The following RBM26 variants were observed in gnomAD, a reference collection of about 807,000 sequenced individuals.
The protein encoded by RBM26 is RNA binding motif protein 26.
RBM26 carries 30 observed loss-of-function variants against 123.6 expected under a neutral mutation model. That is an observed-to-expected ratio of 0.24 (90% CI 0.18 to 0.33). The LOEUF is 0.33. RBM26 is among the 10% of genes least tolerant of loss of function. The probability of loss-of-function intolerance (pLI) is 1.00; values close to 1 mark genes in which losing one functional copy is unlikely to be tolerated. For missense variants in RBM26, 947 were observed against 1,203.6 expected (o/e 0.79, Z 3.15); for synonymous variants, 400 against 404.4 (o/e 0.99, Z 0.13).
At chr13:79,377,700 G>A (rs890508378) in intron 2 of RBM26, among the ~76,000 whole-genome samples, 185 bp from the exon 3 acceptor site, 6 of 152,132 alleles carry the variant, frequency 3.9e-5, no homozygotes, top group African/African-American at 1.4e-4. Context: ...GCCAAGGCAG[G>A]TGGATCACCT....
At chr13:79,344,519 A>T in intron 15 of RBM26, 150 bp downstream of exon 15, 1 of 829,698 alleles carries the variant, frequency 1.2e-6, no homozygotes, top group Non-Finnish European at 1.9e-6. Flanking sequence ...AAAAATTTTT[A>T]TTTACCGCTA....
intron 1 of RBM26, among the ~76,000 whole-genome samples, chr13:79,380,187 G>A (rs2076973473): frequency 6.6e-6 from 1 of 152,110 alleles, no homozygotes; most frequent in Non-Finnish European, 1.5e-5. Context: ...TCAAAAATGT[G>A]CACATGTCCA....
At chr13:79,375,112 A>AATATATATTTATATATATATCAT (rs2076561607) in intron 3 of RBM26, among the ~76,000 whole-genome samples, 1 of 127,732 alleles carries the variant, frequency 7.8e-6, no homozygotes, top group African/African-American at 2.8e-5. Context: ...ATATCATATA[A>AATATATATTTATATATATATCAT]ATATATATTT....
chr13:79,377,349 A>G, intron 3 of RBM26, 30 bp downstream of exon 3: 1 of 1,594,292 alleles, frequency 6.3e-7, no homozygotes, highest in Non-Finnish European at 8.6e-7. Context: ...GTGTTTAAAT[A>G]ACCTGTAAGG....
chr13:79,323,430 T>C (rs978727581), intron 20 of RBM26, among the ~76,000 whole-genome samples: 13 of 151,646 alleles, frequency 8.6e-5, no homozygotes, highest in African/African-American at 3.1e-4. Flanking sequence ...CCTGTTCAAA[T>C]GCTGCTCAGA....
chr13:79,346,687 G>C (rs1431326916), intron 14 of RBM26, among the ~76,000 whole-genome samples: 1 of 152,152 alleles, frequency 6.6e-6, no homozygotes, highest in South Asian at 2.1e-4. Context: ...ATTAAACAAA[G>C]ATTTTGTTTG....
Position 79,355,256 on chromosome 13 carries a change from T to C in RBM26, c.1818A>G (p.Glu606=), listed in dbSNP as rs1385899985. ...NRFIKVYWHR[E]GSTQQLQTTS... Reference sequence around the variant, plus strand: ...TAGTTTGTAACTGTTGGGTGCTTCCTTCTCTGTGCCAATAAACCTTAATAA... The same window carrying C: ...TAGTTTGTAACTGTTGGGTGCTTCCCTCTCTGTGCCAATAAACCTTAATAA... Residue 606 remains glutamate (E), a synonymous_variant, in exon 12 of 22, where the codon GAA becomes GAG. Coordinates refer to ENST00000438737, the MANE Select transcript of RBM26 (RefSeq NM_001366735.2). 6.2e-7 allele frequency: 1 copy of C among 1,614,036 alleles called. No homozygotes were observed.
intron 20 of RBM26, among the ~76,000 whole-genome samples, chr13:79,331,557 C>T (rs1305058716): frequency 6.6e-6 from 1 of 151,480 alleles, no homozygotes; most frequent in East Asian, 2.0e-4. Context: ...TGGCATGAAG[C>T]CAAGAGAGGC....
chr13:79,342,882 T>G (rs757719110), intron 16 of RBM26, 51 bp from the exon 17 acceptor site: 1 of 1,174,934 alleles, frequency 8.5e-7, no homozygotes, highest in Non-Finnish European at 1.2e-6. Flanking sequence ...CCTATTATCA[T>G]TAACAAAACA....
At chr13:79,390,619 G>A (rs1279816058) in intron 1 of RBM26, among the ~76,000 whole-genome samples, 1 of 152,080 alleles carries the variant, frequency 6.6e-6, no homozygotes, top group Non-Finnish European at 1.5e-5. Flanking sequence ...AAGTACTGAA[G>A]TAAAGCATGG....
chr13:79,362,046 T>C (rs74669985), intron 9 of RBM26, among the ~76,000 whole-genome samples: 2,739 of 152,270 alleles, frequency 0.018, 39 homozygotes, highest in Non-Finnish European at 0.027. Context: ...AAGTTCTACA[T>C]ATGCATGATT....
intron 1 of RBM26, among the ~76,000 whole-genome samples, chr13:79,403,926 T>C (rs780352901): frequency 6.6e-6 from 1 of 152,224 alleles, no homozygotes; most frequent in Non-Finnish European, 1.5e-5. Context: ...CTCCTCTCTT[T>C]TGCCATACAC....
chr13:79,392,472 T>C (rs2078176080), intron 1 of RBM26, among the ~76,000 whole-genome samples: 1 of 146,530 alleles, frequency 6.8e-6, no homozygotes, highest in African/African-American at 2.5e-5. Context: ...ACTATATATG[T>C]AATGGTTACA....
At chr13:79,353,029 T>A in intron 14 of RBM26, 124 bp downstream of exon 14, 2 of 480,090 alleles carry the variant, frequency 4.2e-6, no homozygotes, top group Non-Finnish European at 3.5e-6. Context: ...AACCAAAAGG[T>A]AGGAAAAGAT....
rs549107895 is a variant in RBM26, at chr13:79,322,340, AT to A, written c.2934+8del. ...AAGGGTAAAAATAAGTGGAAAAAAA[AT>A]AACATACTTCTTCTTCATCAGGCTC... On this transcript the variant is annotated splice_region_variant and intron_variant, in intron 21 of 21. Transcript: ENST00000438737. The A allele has an allele frequency of 5.1e-4, 770 of 1,519,336 alleles. 6 individuals carry two copies. The African/African-American group carries it at 1.0e-2, about 20-fold the overall frequency. 94.1% of individuals were successfully genotyped at this position (1,519,336 alleles called of 1,614,324 possible). A position where few individuals can be genotyped will look rare whatever the true frequency, so the allele number is the denominator to read the frequency against.
At chr13:79,346,671 C>T (rs369943146) in intron 14 of RBM26, among the ~76,000 whole-genome samples, 51 of 152,296 alleles carry the variant, frequency 3.3e-4, no homozygotes, top group Admixed American at 1.4e-3. Context: ...CCACCATACT[C>T]GACCAATTAA....
At chr13:79,324,844 CT>C (rs1449276083) in intron 20 of RBM26, among the ~76,000 whole-genome samples, 1 of 151,790 alleles carries the variant, frequency 6.6e-6, no homozygotes, top group African/African-American at 2.4e-5. Flanking sequence ...ATAATGCTGT[CT>C]TTTTTCCAAA....
chr13:79,344,385 G>T, intron 15 of RBM26, 63 bp from the exon 16 acceptor site: 1 of 1,278,640 alleles, frequency 7.8e-7, no homozygotes, highest in South Asian at 1.2e-5. Flanking sequence ...TTATTCAAGA[G>T]AAGAGAAATA....
In RBM26 at chr13:79,372,818, T is replaced by C. The variant is rs1173704791; in HGVS notation, c.328-888A>G. Among the ~76,000 whole-genome samples the C allele has an allele frequency of 4.5e-5, 4 of 88,754 alleles. 1 individual carries two copies. The allele number at this position is 88,754 out of a possible 152,430, so 58.2% of individuals were successfully genotyped here. A position where few individuals can be genotyped will look rare whatever the true frequency, so the allele number is the denominator to read the frequency against. ...ATTATAATTATATGATATATATTTA[T>C]AATAAATATTTTATATAAATATATT... On this transcript the variant is annotated intron_variant, in intron 3 of 21. Transcript: ENST00000438737.
Sources: allele counts gnomAD v4.1 joint callset (sites outside exome capture counted in the v4.1 genomes callset), GRCh38; gene constraint gnomAD v4.1.1; transcripts MANE v1.5; gene names NCBI Gene and HGNC (gene_info 2026-07-23, HGNC 2026-07-21).